The following NALF1 variants were observed in gnomAD, a reference collection of about 807,000 sequenced individuals.
NALF1 encodes NALCN channel auxiliary factor 1, also known as family with sequence similarity 155 member A.
A neutral mutation model predicts 48.4 loss-of-function variants in NALF1; 3 were observed. The observed-to-expected ratio is 0.06, with a 90% confidence interval of 0.03 to 0.16. The LOEUF (loss-of-function observed/expected upper bound fraction) is 0.16, where lower values mean the gene tolerates loss of function less well. Among genes scored for constraint, NALF1 ranks in the 10% least tolerant of loss-of-function variants. NALF1 has a pLI of 1.00. For missense variants in NALF1, 526 were observed against 571.5 expected (o/e 0.92, Z 0.81); for synonymous variants, 262 against 245.7 (o/e 1.07, Z -0.62).
rs564369215 is a variant in NALF1, at chr13:107,375,629, T to G, written c.916-164874A>C. On this transcript the variant is annotated intron_variant, in intron 1 of 2. Coordinates refer to ENST00000375915, the MANE Select transcript of NALF1 (RefSeq NM_001080396.3). ...ATAAGGAAATTGACTTAAGCTTTGA[T>G]TTTGAATTATCAGTTTAATTTCTAA... Among the ~76,000 whole-genome samples the G allele has an allele frequency of 6.6e-5, 10 of 152,236 alleles. No individual in the cohort carries two copies. In the South Asian group the frequency reaches 2.1e-3, roughly 32 times the overall value.
intron 1 of NALF1, among the ~76,000 whole-genome samples, chr13:107,692,430 C>T (rs1337442417): frequency 1.3e-5 from 2 of 152,050 alleles, no homozygotes; most frequent in Non-Finnish European, 2.9e-5. Context: ...TGTAGCCAAA[C>T]ACAAACTTTT....
intron 1 of NALF1, among the ~76,000 whole-genome samples, chr13:107,422,601 G>T (rs1171920897): frequency 2.0e-4 from 31 of 151,874 alleles, no homozygotes; most frequent in Admixed American, 2.0e-3. Flanking sequence ...GGCAAATTAA[G>T]CATAGCAGGC....
intron 1 of NALF1, among the ~76,000 whole-genome samples, chr13:107,218,863 C>T (rs1466327012): frequency 6.6e-6 from 1 of 152,182 alleles, no homozygotes; most frequent in Non-Finnish European, 1.5e-5. Context: ...TTTAAACGGA[C>T]ACACTACTTT....
intron 2 of NALF1, among the ~76,000 whole-genome samples, chr13:107,171,095 A>T (rs1370834103): frequency 6.6e-6 from 1 of 152,238 alleles, no homozygotes; most frequent in Admixed American, 6.5e-5. Context: ...ATCAACTTGG[A>T]TATCAAGTAC....
chr13:107,572,072 A>T (rs923152373), intron 1 of NALF1, among the ~76,000 whole-genome samples: 1 of 152,204 alleles, frequency 6.6e-6, no homozygotes, highest in Non-Finnish European at 1.5e-5. Context: ...AAAACCATAC[A>T]CAAAAATCTA....
intron 1 of NALF1, among the ~76,000 whole-genome samples, chr13:107,851,805 CTTTTTTTTTTT>C (rs34999908): frequency 4.8e-5 from 5 of 104,734 alleles, no homozygotes; most frequent in African/African-American, 1.8e-4. Context: ...CAGGCCCTTT[CTTTTTTTTTTT>C]TTTTTTTTTT....
At chr13:107,414,986 A>G (rs1389209236) in intron 1 of NALF1, among the ~76,000 whole-genome samples, 3 of 152,212 alleles carry the variant, frequency 2.0e-5, no homozygotes, top group Non-Finnish European at 4.4e-5. Flanking sequence ...GCATAAAGAT[A>G]AAATCAAAAT....
chr13:107,489,104 T>A (rs77241300), intron 1 of NALF1, among the ~76,000 whole-genome samples: 1 of 152,026 alleles, frequency 6.6e-6, no homozygotes, highest in Non-Finnish European at 1.5e-5. Context: ...TACAAACAAC[T>A]GCTCAAAGTA....
At chr13:107,824,608 G>T (rs898559481) in intron 1 of NALF1, among the ~76,000 whole-genome samples, 1 of 152,176 alleles carries the variant, frequency 6.6e-6, no homozygotes, top group African/African-American at 2.4e-5. Flanking sequence ...CCAGATTGAG[G>T]AATTTGAATA....
At chr13:107,634,810 G>A (rs1416474229) in intron 1 of NALF1, among the ~76,000 whole-genome samples, 1 of 152,078 alleles carries the variant, frequency 6.6e-6, no homozygotes, top group Non-Finnish European at 1.5e-5. Context: ...ATGCAGTGTT[G>A]ATGTCACATG....
intron 1 of NALF1, among the ~76,000 whole-genome samples, chr13:107,407,398 C>T (rs367816767): frequency 3.9e-4 from 59 of 152,086 alleles, no homozygotes; most frequent in African/African-American, 1.4e-3. Flanking sequence ...GGAGCTCAGA[C>T]AATTCTATAG....
intron 1 of NALF1, among the ~76,000 whole-genome samples, chr13:107,296,932 C>T (rs960148859): frequency 2.6e-5 from 4 of 152,146 alleles, no homozygotes; most frequent in African/African-American, 4.8e-5. Flanking sequence ...TTAAGTTACA[C>T]TCAAGCACAA....
At chr13:107,414,806 GGAGT>G (rs941861032) in intron 1 of NALF1, among the ~76,000 whole-genome samples, 7 of 142,822 alleles carry the variant, frequency 4.9e-5, no homozygotes, top group African/African-American at 7.7e-5. Context: ...AGTTGTGTGT[GGAGT>G]GAGTGAGTGT....
intron 1 of NALF1, among the ~76,000 whole-genome samples, chr13:107,789,292 T>C (rs1000134009): frequency 3.9e-5 from 6 of 152,228 alleles, no homozygotes; most frequent in Non-Finnish European, 7.3e-5. Flanking sequence ...CACAGTTTAA[T>C]TACAACAATA....
At chr13:107,775,378 C>T (rs528760636) in intron 1 of NALF1, among the ~76,000 whole-genome samples, 1 of 150,592 alleles carries the variant, frequency 6.6e-6, no homozygotes, top group Admixed American at 6.6e-5. Flanking sequence ...CTACAAAGGA[C>T]ATGAACTCAT....
chr13:107,482,047 G>A (rs1490227843), intron 1 of NALF1, among the ~76,000 whole-genome samples: 1 of 152,106 alleles, frequency 6.6e-6, no homozygotes, highest in Non-Finnish European at 1.5e-5. Flanking sequence ...CACCTATCTA[G>A]ATGTCACTGT....
At chr13:107,756,878 T>C (rs576783919) in intron 1 of NALF1, among the ~76,000 whole-genome samples, 14 of 152,264 alleles carry the variant, frequency 9.2e-5, no homozygotes, top group African/African-American at 3.4e-4. Context: ...GGATATGATT[T>C]TGTTGTAATG....
At chr13:107,296,668 C>T (rs1881732540) in intron 1 of NALF1, among the ~76,000 whole-genome samples, 1 of 152,120 alleles carries the variant, frequency 6.6e-6, no homozygotes, top group Non-Finnish European at 1.5e-5. Context: ...TTAGACTTCA[C>T]TCGGTTAACA....
intron 2 of NALF1, among the ~76,000 whole-genome samples, chr13:107,190,487 C>T (rs1879258742): frequency 6.6e-6 from 1 of 152,020 alleles, no homozygotes; most frequent in African/African-American, 2.4e-5. Flanking sequence ...AACTATTTTC[C>T]CAATTTGATC....
Sources: allele counts gnomAD v4.1 joint callset (sites outside exome capture counted in the v4.1 genomes callset), GRCh38; gene constraint gnomAD v4.1.1; transcripts MANE v1.5; gene names NCBI Gene and HGNC (gene_info 2026-07-23, HGNC 2026-07-21).